FAM20C: variants seen among roughly 807,000 people sequenced by gnomAD.
The protein encoded by FAM20C is extracellular serine/threonine protein kinase FAM20C.
In FAM20C, 40 loss-of-function variants were observed where a neutral mutation model predicts 51.5. The ratio of observed to expected loss-of-function variants is 0.78; its 90% CI spans 0.60 to 1.01. FAM20C has a LOEUF of 1.01. Among genes scored for constraint, FAM20C ranks in the 50% least tolerant of loss-of-function variants. FAM20C has a pLI of 0.00. For missense variants in FAM20C, 861 were observed against 844.7 expected, an observed-to-expected ratio of 1.02 and a Z score of -0.24; for synonymous variants, 406 against 380.6, an observed-to-expected ratio of 1.07 and a Z score of -0.78.
chr7:208,784 A>T (rs1010827181), intron 2 of FAM20C, 114 bp from the exon 3 acceptor site: 2 of 988,546 alleles, frequency 2.0e-6, no homozygotes, highest in African/African-American at 1.6e-5. Flanking sequence ...GCAGAGTGGG[A>T]CCCCTGGACC....
intron 3 of FAM20C, among the ~76,000 whole-genome samples, chr7:241,800 C>T (rs991508620): frequency 6.6e-6 from 1 of 150,566 alleles, no homozygotes; most frequent in Non-Finnish European, 1.5e-5. Flanking sequence ...CATGTGCACA[C>T]GTGTGAATGT....
Position 231,597 on chromosome 7 carries a change from G to A in FAM20C, c.864-14818G>A, listed in dbSNP as rs1301709247. Among the ~76,000 whole-genome samples the A allele has an allele frequency of 2.0e-5, 3 of 152,158 alleles. No homozygotes were observed. In the East Asian group the frequency reaches 5.8e-4, roughly 29 times the overall value. ...AGCTGCACTGTGTGGCCTGGCCTGG[G>A]GATGGTGTTCTTGGTAAGCCCAAGT... On this transcript the variant is annotated intron_variant, in intron 3 of 9. Coordinates refer to ENST00000313766, the MANE Select transcript of FAM20C (RefSeq NM_020223.4).
rs140142962 is a variant in FAM20C, at chr7:257,272, G to A, written c.1445+186G>A. On this transcript the variant is annotated intron_variant, in intron 8 of 9. Transcript: ENST00000313766. ...CAGGCCCCAACCAGGAGGGAGGGCC[G>A]CCCCGGGAGTGGGACCTCCGAGGCA... is the stretch of plus-strand genomic sequence containing the variant. The A allele has an allele frequency of 5.2e-3, 3,196 of 618,114 alleles. 74 individuals carry two copies. Among genetic ancestry groups the A allele is most frequent in the African/African-American group, 0.051 (2,760 of 54,070 alleles). The allele number at this position is 618,114 out of a possible 1,614,324, so 38.3% of individuals were successfully genotyped here.
At chr7:253,546 G>C (rs1208619151) in intron 5 of FAM20C, among the ~76,000 whole-genome samples, 2 of 137,592 alleles carry the variant, frequency 1.5e-5, no homozygotes, top group Non-Finnish European at 3.3e-5. Flanking sequence ...CTTCCTCCCA[G>C]AAAGCCCCCA....
At chr7:198,082 C>T (rs775279202) in intron 2 of FAM20C, among the ~76,000 whole-genome samples, 17 of 152,298 alleles carry the variant, frequency 1.1e-4, no homozygotes, top group East Asian at 3.9e-4. Context: ...CAGCTGATCT[C>T]GCTCGCTCGC....
At chr7:209,106 A>G (rs995440521) in intron 3 of FAM20C, 130 bp downstream of exon 3, 6 of 878,894 alleles carry the variant, frequency 6.8e-6, no homozygotes, top group Middle Eastern at 3.3e-4. Flanking sequence ...GACCACTCTC[A>G]ACTCTCCCCG....
intron 3 of FAM20C, among the ~76,000 whole-genome samples, chr7:223,850 A>G (rs1167854781): frequency 6.6e-6 from 1 of 152,050 alleles, no homozygotes; most frequent in Non-Finnish European, 1.5e-5. Flanking sequence ...CTTTCGAGAG[A>G]CTCTATGGGG....
intron 5 of FAM20C, among the ~76,000 whole-genome samples, chr7:250,957 A>C (rs1788373086): frequency 6.6e-6 from 1 of 152,222 alleles, no homozygotes; most frequent in Non-Finnish European, 1.5e-5. Context: ...TTGCAGACCA[A>C]GCTCTCGGTT....
At chr7:210,041 G>T (rs979975936) in intron 3 of FAM20C, among the ~76,000 whole-genome samples, 32 of 152,156 alleles carry the variant, frequency 2.1e-4, no homozygotes, top group Non-Finnish European at 4.1e-4. Flanking sequence ...ACAGCCCCGT[G>T]CCTGAGCCCG....
chr7:204,540 G>A (rs1786264607), intron 2 of FAM20C, among the ~76,000 whole-genome samples: 1 of 152,244 alleles, frequency 6.6e-6, no homozygotes, highest in Non-Finnish European at 1.5e-5. Context: ...GTGAGCTCAG[G>A]GGCAGCAAGA....
In FAM20C at chr7:256,739, A is replaced by G. The variant is rs1291975672; in HGVS notation, c.1339A>G (p.Met447Val). 5.2e-6 allele frequency: 8 copies of G among 1,536,178 alleles called. No homozygotes were observed. In the Admixed American group the frequency reaches 7.8e-5, roughly 15 times the overall value. Residue 447 changes from methionine to valine, a missense_variant, in exon 7 of 10, where the codon ATG becomes GTG. Coordinates refer to ENST00000313766, the MANE Select transcript of FAM20C (RefSeq NM_020223.4). The stretch of plus-strand genomic sequence containing the variant: ...CCACCGCATCCTGGACGTCATGGAC[A>G]TGACGATCTTCGACTTCCTCATGGG... ...SSHRILDVMD[M>V]TIFDFLMGNM... is the part of the protein sequence containing the mutation.
At chr7:245,482 C>G (rs552938205) in intron 3 of FAM20C, among the ~76,000 whole-genome samples, 11 of 151,974 alleles carry the variant, frequency 7.2e-5, no homozygotes, top group African/African-American at 2.6e-4. Context: ...AGTTCCCTCC[C>G]TGGGCCTGGC....
intron 3 of FAM20C, among the ~76,000 whole-genome samples, chr7:232,250 G>T (rs1370163824): frequency 6.6e-6 from 1 of 152,212 alleles, no homozygotes; most frequent in Non-Finnish European, 1.5e-5. Flanking sequence ...GGAGAGGGTG[G>T]GAGTCGGTGG....
intron 3 of FAM20C, 114 bp downstream of exon 3, chr7:209,090 G>C: frequency 1.9e-6 from 2 of 1,040,738 alleles, no homozygotes; most frequent in African/African-American, 1.6e-5. Context: ...TGGGGAGACT[G>C]TGGGTGACCA....
chr7:204,830 C>T (rs561807476), intron 2 of FAM20C, among the ~76,000 whole-genome samples: 13 of 152,050 alleles, frequency 8.5e-5, no homozygotes, highest in African/African-American at 2.4e-4. Flanking sequence ...CCCACACTGC[C>T]GCTGTTCTCA....
intron 3 of FAM20C, among the ~76,000 whole-genome samples, chr7:236,123 T>G (rs1787840630): frequency 2.0e-5 from 3 of 152,342 alleles, no homozygotes; most frequent in Middle Eastern, 6.8e-3. Flanking sequence ...GAGGGTTCAG[T>G]ACTTTTCCAA....
chr7:224,063 T>C (rs1228739409), intron 3 of FAM20C, among the ~76,000 whole-genome samples: 3,296 of 120,536 alleles, frequency 0.027, 75 homozygotes, highest in Non-Finnish European at 0.037. Flanking sequence ...TTGCGCAGAA[T>C]GGCACCGTCA....
At chr7:251,264 GCT>G (rs1380930496) in intron 5 of FAM20C, among the ~76,000 whole-genome samples, 1 of 129,718 alleles carries the variant, frequency 7.7e-6, no homozygotes, top group African/African-American at 2.8e-5. Context: ...GGGCACGGTG[GCT>G]CACACGCCTG....
At chr7:257,322 G>A (rs962597382) in intron 8 of FAM20C, 21 of 555,498 alleles carry the variant, frequency 3.8e-5, no homozygotes, top group East Asian at 9.2e-5. Flanking sequence ...ACCAAGTCCC[G>A]GCAGAGCTGG....
Sources: allele counts gnomAD v4.1 joint callset (sites outside exome capture counted in the v4.1 genomes callset), GRCh38; gene constraint gnomAD v4.1.1; transcripts MANE v1.5; gene names NCBI Gene and HGNC (gene_info 2026-07-23, HGNC 2026-07-21).